Variants in ISM1 observed in about 807,000 individuals in gnomAD.
ISM1 encodes isthmin 1, also known as isthmin-1.
A neutral mutation model predicts 46.3 loss-of-function variants in ISM1; 25 were observed. The observed-to-expected ratio is 0.54, with a 90% CI of 0.39 to 0.75. The LOEUF is 0.75. Ranked by LOEUF, ISM1 falls within the 30% of genes least tolerant of loss-of-function variation. ISM1 has a pLI of 0.00. For synonymous variants in ISM1, 255 were observed against 256.7 expected, an observed-to-expected ratio of 0.99 and a Z score of 0.06; for missense variants, 536 against 625.4, an observed-to-expected ratio of 0.86 and a Z score of 1.52.
At chr20:13,286,970 C>T (rs1028707107) in intron 3 of ISM1, among the ~76,000 whole-genome samples, 1 of 152,226 alleles carries the variant, frequency 6.6e-6, no homozygotes, top group African/African-American at 2.4e-5. Context: ...TGTCACAGAG[C>T]AGAGGTACTG....
chr20:13,246,192 G>A lies in ISM1; in HGVS notation c.138+24278G>A, dbSNP rs569412124. On this transcript the variant is annotated intron_variant, in intron 1 of 5. Transcript: ENST00000262487. Reference sequence around the variant, plus strand: ...GGAGGCTGAGGCAGCAGAATCACTTGAACCCAGGAGGCGGAGGTTGCAGTG... The same window carrying A: ...GGAGGCTGAGGCAGCAGAATCACTTAAACCCAGGAGGCGGAGGTTGCAGTG... 1.1e-4 allele frequency among the ~76,000 whole-genome samples: 17 copies of A among 151,366 alleles called. No individual in the cohort carries two copies. The East Asian group carries it at 1.2e-3, about 10-fold the overall frequency.
intron 1 of ISM1, among the ~76,000 whole-genome samples, chr20:13,224,076 A>G (rs935877612): frequency 6.6e-6 from 1 of 151,998 alleles, no homozygotes. Flanking sequence ...CAAATGGGGG[A>G]TTTAGAAAGA....
the ISM1 span, among the ~76,000 whole-genome samples, chr20:13,310,396 T>C: frequency 1.5e-4 from 23 of 152,270 alleles, no homozygotes; most frequent in African/African-American, 4.6e-4. Context: ...AATTGGACTC[T>C]TATCTCACCC....
chr20:13,263,962 GT>G (rs1197741571), intron 1 of ISM1, among the ~76,000 whole-genome samples: 1 of 150,188 alleles, frequency 6.7e-6, no homozygotes, highest in Admixed American at 6.8e-5. Flanking sequence ...GATTCCTAGG[GT>G]TTTTTTGTTT....
intron 1 of ISM1, among the ~76,000 whole-genome samples, chr20:13,236,575 A>G (rs1292110047): frequency 1.3e-5 from 2 of 152,298 alleles, no homozygotes; most frequent in African/African-American, 2.4e-5. Context: ...CCAAAAGTCC[A>G]CAGTCCAAAG....
At chr20:13,265,479 C>T (rs1334225738) in intron 1 of ISM1, among the ~76,000 whole-genome samples, 1 of 152,102 alleles carries the variant, frequency 6.6e-6, no homozygotes, top group Non-Finnish European at 1.5e-5. Flanking sequence ...GATCTGTGAG[C>T]AATGGGGGCC....
chr20:13,298,777 A>T (rs1455492879), intron 5 of ISM1, among the ~76,000 whole-genome samples, 165 bp from the exon 6 acceptor site: 1 of 152,126 alleles, frequency 6.6e-6, no homozygotes, highest in Admixed American at 6.6e-5. Flanking sequence ...AGGGGGCTGC[A>T]GGGGTGTCTG....
At chr20:13,252,932 C>A (rs1038077926) in intron 1 of ISM1, among the ~76,000 whole-genome samples, 65 of 152,260 alleles carry the variant, frequency 4.3e-4, no homozygotes, top group African/African-American at 1.3e-3. Context: ...GGTCCCCAGC[C>A]CCCCCTCTCA....
At chr20:13,277,265 T>C (rs948979607) in intron 2 of ISM1, among the ~76,000 whole-genome samples, 3 of 152,196 alleles carry the variant, frequency 2.0e-5, no homozygotes, top group African/African-American at 4.8e-5. Context: ...TGAATACAAA[T>C]GGAATACCAA....
intron 1 of ISM1, 121 bp downstream of exon 1, chr20:13,222,035 G>A: frequency 1.0e-6 from 1 of 983,528 alleles, no homozygotes; most frequent in African/African-American, 1.7e-5. Flanking sequence ...AAGAGCAACT[G>A]TTTTGGCAGT....
At chr20:13,236,405 T>C (rs111568429) in intron 1 of ISM1, among the ~76,000 whole-genome samples, 2,873 of 152,204 alleles carry the variant, frequency 0.019, 39 homozygotes, top group Non-Finnish European at 0.022. Context: ...CCACAACACA[T>C]GGGAATTCTG....
intron 1 of ISM1, among the ~76,000 whole-genome samples, chr20:13,231,170 C>T (rs1341080940): frequency 2.6e-5 from 4 of 152,314 alleles, no homozygotes; most frequent in Admixed American, 2.6e-4. Context: ...GGATACTCCT[C>T]TAGGTAGCAA....
At chr20:13,233,888 A>G (rs950580156) in intron 1 of ISM1, among the ~76,000 whole-genome samples, 4 of 152,246 alleles carry the variant, frequency 2.6e-5, no homozygotes, top group African/African-American at 9.6e-5. Context: ...GACCACCAGT[A>G]TTAGCATCTC....
At chr20:13,307,420 C>T in the ISM1 span, among the ~76,000 whole-genome samples, 3 of 152,120 alleles carry the variant, frequency 2.0e-5, no homozygotes, top group Non-Finnish European at 4.4e-5. Flanking sequence ...GAATATAAGG[C>T]TCATGAAGGA....
the ISM1 span, among the ~76,000 whole-genome samples, chr20:13,318,615 C>T: frequency 6.6e-6 from 1 of 152,210 alleles, no homozygotes. Context: ...AAGGGATAAA[C>T]TATATCTTAT....
At position 13,299,159 on chromosome 20, in the gene ISM1, C is replaced by G; in HGVS notation, c.1095C>G (p.Ala365=). 1 of 1,611,040 alleles carries G rather than the reference C, an allele frequency of 6.2e-7. No individual in the cohort carries two copies. Among genetic ancestry groups the G allele is most frequent in the Non-Finnish European group, 8.5e-7 (1 of 1,178,768 alleles). The part of the protein sequence containing the change: ...KEKLEIYKPT[A]RYCIRSMLSL... ...AGCTGGAGATCTACAAGCCCACTGCCCGGTACTGCATCCGCTCCATGCTGT... is the reference window on the plus strand; with the variant it reads ...AGCTGGAGATCTACAAGCCCACTGCGCGGTACTGCATCCGCTCCATGCTGT... The change falls in exon 6 of 6, where the codon GCC becomes GCG. Residue 365 remains alanine (A), a synonymous_variant. Coordinates refer to ENST00000262487, the MANE Select transcript of ISM1 (RefSeq NM_080826.2). This position sits in a 1 kb window ranked among gnomAD's most constrained non-coding sequence, Gnocchi z 5.8.
intron 4 of ISM1, among the ~76,000 whole-genome samples, chr20:13,289,113 G>A (rs189728621): frequency 1.3e-5 from 2 of 152,340 alleles, no homozygotes; most frequent in Admixed American, 1.3e-4. Context: ...TGACCAGAGT[G>A]AGTCAGGAGA....
intron 1 of ISM1, among the ~76,000 whole-genome samples, chr20:13,223,163 AAAAT>A (rs1248685080): frequency 2.8e-4 from 38 of 136,352 alleles, no homozygotes; most frequent in African/African-American, 7.8e-4. Context: ...TCTCAAAAAA[AAAAT>A]AAAATAAAAT....
chr20:13,251,542 A>G (rs2039868125), intron 1 of ISM1, among the ~76,000 whole-genome samples: 2 of 152,196 alleles, frequency 1.3e-5, no homozygotes, highest in South Asian at 2.1e-4. Context: ...TGAGATCATG[A>G]TCTGGCATGA....
Sources: allele counts gnomAD v4.1 joint callset (sites outside exome capture counted in the v4.1 genomes callset), GRCh38; gene constraint gnomAD v4.1.1; non-coding constraint Gnocchi (gnomAD v3.1); transcripts MANE v1.5; gene names NCBI Gene and HGNC (gene_info 2026-07-23, HGNC 2026-07-21).